Variants in SEZ6 observed in about 807,000 individuals in gnomAD.
SEZ6 encodes the protein seizure related 6 homolog.
Under a neutral mutation model 101.0 loss-of-function variants are expected in SEZ6, and 53 were observed. The observed-to-expected ratio is 0.52, with a 90% CI of 0.42 to 0.66. The LOEUF (loss-of-function observed/expected upper bound fraction) is 0.66, where lower values mean the gene tolerates loss of function less well. SEZ6 is among the 30% of genes least tolerant of loss of function. SEZ6 has a pLI of 0.00. For missense variants in SEZ6, 1,102 were observed against 1,289.4 expected, an observed-to-expected ratio of 0.85 and a Z score of 2.23; for synonymous variants, 488 against 512.2, an observed-to-expected ratio of 0.95 and a Z score of 0.64.
At chr17:29,000,130 C>T (rs1453641817) in intron 1 of SEZ6, among the ~76,000 whole-genome samples, 2 of 152,342 alleles carry the variant, frequency 1.3e-5, no homozygotes, top group African/African-American at 2.4e-5. Context: ...GCGCCTGGCA[C>T]ATAGTTGGTA....
At position 28,960,935 on chromosome 17, in the gene SEZ6, G is replaced by A. The variant is rs757533484; in HGVS notation, c.1279C>T (p.Arg427Cys). Residue 427 changes from arginine to cysteine, a missense_variant, in exon 6 of 17, where the codon CGC becomes TGC. Arg to Cys is a radical substitution (Grantham distance 180, BLOSUM62 -3). Coordinates refer to ENST00000317338, the MANE Select transcript of SEZ6 (RefSeq NM_178860.5). ...GGVIRNATTG[R>C]IVSPGFPGNY... The stretch of plus-strand genomic sequence containing the variant: ...CCCGGGAAGCCTGGAGAGACGATGC[G>A]GCCGGTGGTGGCATTGCGGATCACT... 35 of 1,613,734 alleles carry A rather than the reference G, an allele frequency of 2.2e-5. No individual in the cohort carries two copies. The highest frequency in any genetic ancestry group is 2.8e-5 in the Non-Finnish European group (33 of 1,179,856).
chr17:28,974,406 G>A (rs1272230126), intron 3 of SEZ6, among the ~76,000 whole-genome samples: 2 of 152,044 alleles, frequency 1.3e-5, no homozygotes, highest in Non-Finnish European at 2.9e-5. Flanking sequence ...ATGCCTAGGC[G>A]CCACCACCAC....
Position 29,005,751 on chromosome 17 carries a change from C to G in SEZ6, c.55+64G>C, listed in dbSNP as rs1251818210. ...ATGCCCGAAGCTGGGCACCGGGTCT[C>G]CCTTCCCACCCCTGGGGCCCCGCTC... On this transcript the variant is annotated intron_variant, in intron 1 of 16. Transcript: ENST00000317338. This position sits in a 1 kb window ranked among gnomAD's most constrained non-coding sequence, Gnocchi z 4.8. 1 of 1,441,682 alleles carries G rather than the reference C, an allele frequency of 6.9e-7. No individual in the cohort carries two copies. Among genetic ancestry groups the G allele is most frequent in the East Asian group, 3.1e-5 (1 of 32,732 alleles). 89.3% of individuals were successfully genotyped at this position (1,441,682 alleles called of 1,614,324 possible).
intron 1 of SEZ6, among the ~76,000 whole-genome samples, chr17:28,995,935 C>A (rs1443313742): frequency 6.6e-6 from 1 of 152,134 alleles, no homozygotes; most frequent in Non-Finnish European, 1.5e-5. Context: ...CTCCTCTCCA[C>A]ATCCTGACAC....
At position 28,956,262 on chromosome 17, in the gene SEZ6, C is replaced by G; in HGVS notation, c.2850-1G>C. 1 of 1,593,006 alleles carries G rather than the reference C, an allele frequency of 6.3e-7. No individual in the cohort carries two copies. The highest frequency in any genetic ancestry group is 8.5e-7 in the Non-Finnish European group (1 of 1,170,330). On this transcript the variant is annotated splice_acceptor_variant, in intron 15 of 16. Transcript: ENST00000317338. LOFTEE classifies it high-confidence loss of function. Reference sequence around the variant, plus strand: ...CTGCAGGGAGCTTTTTCCCTGGAGCCTGTGGGGCAGAGAAGCCTGCAAGTC... The same window carrying G: ...CTGCAGGGAGCTTTTTCCCTGGAGCGTGTGGGGCAGAGAAGCCTGCAAGTC...
Position 28,964,083 on chromosome 17 carries a change from G to A in SEZ6, c.1119C>T (p.Leu373=). The A allele has an allele frequency of 6.2e-7, 1 of 1,606,862 alleles. No individual in the cohort carries two copies. Among genetic ancestry groups the A allele is most frequent in the Non-Finnish European group, 8.5e-7 (1 of 1,176,630 alleles). ...GGAAGCGGGCACTACCCCCTGGGTG[G>A]AGGCTGGTGACAGTCACATCTCCAT... is the stretch of plus-strand genomic sequence containing the variant. ...PAYGDVTVTS[L]HPGGSARFHC... Residue 373 remains leucine, a synonymous_variant, in exon 5 of 17, where the codon CTC becomes CTT. Transcript: ENST00000317338.
intron 4 of SEZ6, among the ~76,000 whole-genome samples, chr17:28,966,015 C>T (rs549636411): frequency 4.6e-5 from 7 of 151,972 alleles, no homozygotes; most frequent in South Asian, 2.1e-4. Flanking sequence ...TGGTGGCAGG[C>T]GCCTGTTATC....
At chr17:28,961,364 A>T (rs530974116) in intron 5 of SEZ6, among the ~76,000 whole-genome samples, 4 of 152,276 alleles carry the variant, frequency 2.6e-5, no homozygotes, top group African/African-American at 9.6e-5. Context: ...CTTCTTGGAT[A>T]CATCTGCTAC....
rs994114262 is a variant in SEZ6 at position 28,959,323 on chromosome 17, T to C, written c.1910+11A>G. ...CAGGAGTTGGCTCGGCCTGACCCGG[T>C]AGGCACTCACACTCGGATGTCCAGC... is the stretch of plus-strand genomic sequence containing the variant. On this transcript the variant is annotated intron_variant, in intron 9 of 16. Transcript: ENST00000317338. This position sits in a 1 kb window ranked among gnomAD's most constrained non-coding sequence, Gnocchi z 4.4. The C allele has an allele frequency of 2.5e-6, 4 of 1,613,808 alleles. No individual in the cohort carries two copies. The African/African-American group carries it at 5.3e-5, about 22-fold the overall frequency.
At chr17:28,993,970 C>T (rs922021287) in intron 1 of SEZ6, among the ~76,000 whole-genome samples, 15 of 152,196 alleles carry the variant, frequency 9.9e-5, no homozygotes, top group Non-Finnish European at 5.9e-5. Context: ...TGACCTTTGC[C>T]CTGTGGTTAC....
chr17:28,984,381 G>C (rs1321984905), intron 1 of SEZ6, among the ~76,000 whole-genome samples: 1 of 152,236 alleles, frequency 6.6e-6, no homozygotes, highest in East Asian at 1.9e-4. Flanking sequence ...TCCGGGCATT[G>C]TTTATGCGGC....
chr17:28,963,041 G>A (rs546714557), intron 5 of SEZ6, among the ~76,000 whole-genome samples: 3 of 151,544 alleles, frequency 2.0e-5, no homozygotes, highest in Admixed American at 6.6e-5. Flanking sequence ...GGAGAATGGC[G>A]TGAACCTGGG....
intron 3 of SEZ6, among the ~76,000 whole-genome samples, chr17:28,971,573 A>G (rs534459858): frequency 7.2e-5 from 11 of 152,264 alleles, no homozygotes; most frequent in African/African-American, 2.2e-4. Flanking sequence ...AGCCTGGACA[A>G]CAAAAGCGAA....
Position 28,959,458 on chromosome 17 carries a change from C to G in SEZ6, c.1786G>C (p.Glu596Gln). The change falls in exon 9 of 17, where the codon GAG becomes CAG. Residue 596 changes from glutamate (E) to glutamine (Q), a missense_variant. Coordinates refer to ENST00000317338, the MANE Select transcript of SEZ6 (RefSeq NM_178860.5). The surrounding 1 kb of genome is among the most constrained non-coding windows in gnomAD (Gnocchi z 4.4). ...ACCACGCCAGCCGAGTCTGTGATCT[C>G]CCCGCTGCACACGGCTGGAAGGCAG... The part of the protein sequence containing the change: ...EPACRAVCSG[E>Q]ITDSAGVVLS... 3 of 1,613,396 alleles carry G rather than the reference C, an allele frequency of 1.9e-6. No homozygotes were observed. Among genetic ancestry groups the G allele is most frequent in the East Asian group, 2.2e-5 (1 of 44,880 alleles).
chr17:28,956,356 A>T lies in SEZ6; in HGVS notation c.2843T>A (p.Phe948Tyr). 1.9e-6 allele frequency: 3 copies of T among 1,572,850 alleles called. No homozygotes were observed. Among genetic ancestry groups the T allele is most frequent in the South Asian group, 2.3e-5 (2 of 85,746 alleles). ...VLLVGGVYFY[F>Y]SRLQGKSSLQ... ...AAAGAGAAGCCAGACTCACCTGGAGAAGTAGAAGTATACACCTCCTACCAA... is the reference window on the plus strand; with the variant it reads ...AAAGAGAAGCCAGACTCACCTGGAGTAGTAGAAGTATACACCTCCTACCAA... The change falls in exon 15 of 17, where the codon TTC becomes TAC. Residue 948 changes from phenylalanine (F) to tyrosine (Y), a missense_variant. Around this residue, in one of 3 missense-constraint regions of SEZ6, gnomAD observed 140 missense variants for 135.7 expected, o/e 1.03. Coordinates refer to ENST00000317338, the MANE Select transcript of SEZ6 (RefSeq NM_178860.5).
intron 1 of SEZ6, among the ~76,000 whole-genome samples, chr17:28,989,892 T>C (rs1188921643): frequency 6.6e-6 from 1 of 152,100 alleles, no homozygotes; most frequent in Non-Finnish European, 1.5e-5. Context: ...AACAACATGG[T>C]GAAACCCCAT....
chr17:28,982,956 G>A (rs1277068987), intron 1 of SEZ6, among the ~76,000 whole-genome samples: 8 of 151,306 alleles, frequency 5.3e-5, no homozygotes, highest in East Asian at 1.9e-4. Flanking sequence ...ATGAGCCACC[G>A]CACCCGACCA....
chr17:28,964,290 C>T (rs914126700), intron 4 of SEZ6, 143 bp from the exon 5 acceptor site: 15 of 803,752 alleles, frequency 1.9e-5, no homozygotes, highest in Non-Finnish European at 2.9e-5. Context: ...AAAACAACTC[C>T]AATCTCCTCC....
At chr17:28,963,814 A>C in intron 5 of SEZ6, 148 bp downstream of exon 5, 2 of 836,268 alleles carry the variant, frequency 2.4e-6, no homozygotes, top group Non-Finnish European at 3.9e-6. Context: ...CAATAAGTGC[A>C]GGTTGGATGA....
Sources: allele counts gnomAD v4.1 joint callset (sites outside exome capture counted in the v4.1 genomes callset), GRCh38; gene constraint gnomAD v4.1.1; regional missense constraint gnomAD v4.1.1; non-coding constraint Gnocchi (gnomAD v3.1); transcripts MANE v1.5; gene names NCBI Gene and HGNC (gene_info 2026-07-23, HGNC 2026-07-21).